ATP6V1C2: variants seen among roughly 807,000 people sequenced by gnomAD.
ATP6V1C2 encodes the protein ATPase H+ transporting V1 subunit C2, also known as V-type proton ATPase subunit C 2.
Under a neutral mutation model 56.8 loss-of-function variants are expected in ATP6V1C2, and 45 were observed. The ratio of observed to expected loss-of-function variants is 0.79; its 90% CI spans 0.62 to 1.02. The LOEUF is 1.02. Ranked by LOEUF, ATP6V1C2 falls within the 50% of genes least tolerant of loss-of-function variation. The probability of loss-of-function intolerance (pLI) is 0.00; values close to 1 mark genes in which losing one functional copy is unlikely to be tolerated. For synonymous variants in ATP6V1C2, 220 were observed against 201.3 expected (o/e 1.09, Z -0.79); for missense variants, 463 against 519.7 (o/e 0.89, Z 1.06).
intron 3 of ATP6V1C2, among the ~76,000 whole-genome samples, chr2:10,731,136 A>G (rs527262974): frequency 4.6e-5 from 7 of 152,110 alleles, no homozygotes; most frequent in Admixed American, 1.3e-4. Flanking sequence ...TTTTGTAGAG[A>G]CAAGGTCTTA....
At chr2:10,736,776 C>T (rs147018674) in intron 3 of ATP6V1C2, among the ~76,000 whole-genome samples, 2 of 133,694 alleles carry the variant, frequency 1.5e-5, no homozygotes, top group Admixed American at 7.5e-5. Context: ...GTGGTATTTT[C>T]ATTATTTTTT....
intron 5 of ATP6V1C2, chr2:10,768,293 C>T (rs892402051): frequency 5.4e-6 from 1 of 186,264 alleles, no homozygotes; most frequent in Admixed American, 5.5e-5. Context: ...CTGCACCTCC[C>T]TGCCCCTGCC....
chr2:10,782,189 T>TATCCAA (rs1665405211), intron 12 of ATP6V1C2, 54 bp from the exon 13 acceptor site: 2 of 1,604,890 alleles, frequency 1.2e-6, no homozygotes, highest in Non-Finnish European at 8.5e-7. Context: ...AGGTTCCTTC[T>TATCCAA]ATCCGTGTTT....
At chr2:10,729,066 G>T (rs1003454288) in intron 3 of ATP6V1C2, among the ~76,000 whole-genome samples, 1 of 150,700 alleles carries the variant, frequency 6.6e-6, no homozygotes, top group East Asian at 2.0e-4. Context: ...GCAGGCGGAG[G>T]TTGTAGTGAG....
rs202128717 is a variant in ATP6V1C2, at chr2:10,784,349, T to G, written c.*1086T>G. 5.8e-5 allele frequency: 93 copies of G among 1,601,146 alleles called. No individual in the cohort carries two copies. Among genetic ancestry groups the G allele is most frequent in the African/African-American group, 2.7e-5 (2 of 74,512 alleles). ...AAGCTGGGAGACGACAGAAAGCCAC[T>G]GTTAGATCTGCAGAAGGGGACACCC... On this transcript the variant is annotated 3_prime_UTR_variant, in exon 14 of 14. Coordinates refer to ENST00000272238, the MANE Select transcript of ATP6V1C2 (RefSeq NM_001039362.2).
chr2:10,782,498 G>A, intron 13 of ATP6V1C2, 123 bp downstream of exon 13: 1 of 1,141,258 alleles, frequency 8.8e-7, no homozygotes, highest in Non-Finnish European at 1.2e-6. Flanking sequence ...TCAAGGGTTT[G>A]AGACCAGCCT....
chr2:10,722,291 C>A (rs1424535118), intron 1 of ATP6V1C2, among the ~76,000 whole-genome samples: 2 of 152,098 alleles, frequency 1.3e-5, no homozygotes, highest in Non-Finnish European at 2.9e-5. Context: ...GTTCCCCTCA[C>A]CCCCTACTAC....
intron 3 of ATP6V1C2, among the ~76,000 whole-genome samples, chr2:10,743,324 C>T (rs1421507460): frequency 2.7e-5 from 4 of 150,690 alleles, no homozygotes; most frequent in South Asian, 2.1e-4. Context: ...AAGCTGATCT[C>T]GAACTCCTGG....
At chr2:10,758,536 T>C (rs557067709) in intron 4 of ATP6V1C2, among the ~76,000 whole-genome samples, 125 of 152,266 alleles carry the variant, frequency 8.2e-4, no homozygotes, top group African/African-American at 2.9e-3. Flanking sequence ...TAGTGCCCTG[T>C]GGTTGTGCCT....
At chr2:10,736,011 C>T (rs150945093) in intron 3 of ATP6V1C2, among the ~76,000 whole-genome samples, 75 of 152,300 alleles carry the variant, frequency 4.9e-4, no homozygotes, top group African/African-American at 1.7e-3. Flanking sequence ...CCACATTTGG[C>T]ATACTAAGGC....
At chr2:10,764,493 C>T (rs1057402138) in intron 5 of ATP6V1C2, 68 bp downstream of exon 5, 1 of 1,360,398 alleles carries the variant, frequency 7.4e-7, no homozygotes, top group Non-Finnish European at 1.0e-6. Flanking sequence ...CTGGGTAGGG[C>T]CCCCCTGCCA....
At chr2:10,756,829 C>T (rs1271656157) in intron 4 of ATP6V1C2, among the ~76,000 whole-genome samples, 1 of 152,002 alleles carries the variant, frequency 6.6e-6, no homozygotes, top group East Asian at 1.9e-4. Flanking sequence ...TTGTAAGTGC[C>T]CTCTGTGATG....
intron 5 of ATP6V1C2, among the ~76,000 whole-genome samples, chr2:10,765,842 C>T (rs962869587): frequency 5.3e-5 from 8 of 152,132 alleles, no homozygotes; most frequent in African/African-American, 1.9e-4. Flanking sequence ...GGGAAGGGCC[C>T]CCTGGAGCAC....
chr2:10,744,043 A>G (rs1014884237), intron 3 of ATP6V1C2: 1 of 151,948 alleles, frequency 6.6e-6, no homozygotes, highest in African/African-American at 2.4e-5. Flanking sequence ...TTAACCAGGC[A>G]TGGTGGTGTG....
At chr2:10,776,266 CGTG>C (rs1398164570) in intron 10 of ATP6V1C2, among the ~76,000 whole-genome samples, 5 of 151,026 alleles carry the variant, frequency 3.3e-5, no homozygotes, top group African/African-American at 1.2e-4. Context: ...CGCTCACACA[CGTG>C]TGTGTGTGTG....
chr2:10,761,535 C>T (rs1276996826), intron 4 of ATP6V1C2, among the ~76,000 whole-genome samples: 1 of 152,192 alleles, frequency 6.6e-6, no homozygotes, highest in Non-Finnish European at 1.5e-5. Context: ...GTATTAATAC[C>T]CAAACTAATA....
At chr2:10,772,971 A>G (rs1664725383) in intron 8 of ATP6V1C2, among the ~76,000 whole-genome samples, 2 of 152,236 alleles carry the variant, frequency 1.3e-5, no homozygotes, top group Admixed American at 1.3e-4. Context: ...GTGGCTGCCC[A>G]GTGAACGGCC....
chr2:10,741,834 G>A (rs1441039536), intron 3 of ATP6V1C2, among the ~76,000 whole-genome samples: 2 of 151,872 alleles, frequency 1.3e-5, no homozygotes, highest in African/African-American at 2.4e-5. Context: ...CGATCCTGCC[G>A]TGTAACCTGG....
At chr2:10,735,233 G>A (rs867023521) in intron 3 of ATP6V1C2, among the ~76,000 whole-genome samples, 4 of 152,204 alleles carry the variant, frequency 2.6e-5, no homozygotes, top group Admixed American at 6.5e-5. Context: ...GCAGTAGCAT[G>A]ATCTTGGCTG....
Sources: gnomAD v4.1 joint callset for allele counts (sites outside exome capture counted in the v4.1 genomes callset) on GRCh38, gnomAD v4.1.1 for gene constraint, MANE v1.5 for transcripts, NCBI Gene and HGNC (gene_info 2026-07-23, HGNC 2026-07-21) for gene names.